The following TSPAN5 variants were observed in gnomAD, a reference collection of about 807,000 sequenced individuals.
The protein encoded by TSPAN5 is tetraspanin 5.
A neutral mutation model predicts 37.1 loss-of-function variants in TSPAN5; 10 were observed. The observed-to-expected ratio is 0.27, with a 90% CI of 0.17 to 0.46. The LOEUF is 0.46. Among genes scored for constraint, TSPAN5 ranks in the 20% least tolerant of loss-of-function variants. The probability of loss-of-function intolerance (pLI) is 1.00; values close to 1 mark genes in which losing one functional copy is unlikely to be tolerated. For synonymous variants in TSPAN5, 110 were observed against 118.9 expected (o/e 0.93, Z 0.48); for missense variants, 195 against 326.6 (o/e 0.60, Z 3.11).
rs368227394 is a variant in TSPAN5, at chr4:98,547,274, T to C, written c.82-39546A>G. Among the ~76,000 whole-genome samples the C allele has an allele frequency of 8.7e-4, 133 of 152,300 alleles. 1 individual carries two copies. Among genetic ancestry groups the C allele is most frequent in the African/African-American group, 3.0e-3 (125 of 41,576 alleles). On this transcript the variant is annotated intron_variant, in intron 1 of 7. Coordinates refer to ENST00000305798, the MANE Select transcript of TSPAN5 (RefSeq NM_005723.4). ...GCTTTTATTAAACTGTTGTCATAAA[T>C]TGCTTATGAGAGCAAAGTAACAAAC...
At chr4:98,550,670 G>T (rs1459777189) in intron 1 of TSPAN5, among the ~76,000 whole-genome samples, 1 of 150,660 alleles carries the variant, frequency 6.6e-6, no homozygotes, top group Non-Finnish European at 1.5e-5. Flanking sequence ...TTGGTCCTCG[G>T]CTAGATCATT....
chr4:98,501,505 G>A (rs1323348188), intron 2 of TSPAN5, among the ~76,000 whole-genome samples: 1 of 152,222 alleles, frequency 6.6e-6, no homozygotes, highest in Non-Finnish European at 1.5e-5. Flanking sequence ...TCTAAGTGAT[G>A]AGTCGCATGA....
At chr4:98,580,686 T>C (rs1454458789) in intron 1 of TSPAN5, among the ~76,000 whole-genome samples, 2 of 152,202 alleles carry the variant, frequency 1.3e-5, no homozygotes, top group Admixed American at 6.5e-5. Flanking sequence ...GAGTTATTTA[T>C]TTGATTTTAA....
At chr4:98,592,159 A>G (rs992780419) in intron 1 of TSPAN5, among the ~76,000 whole-genome samples, 1 of 150,292 alleles carries the variant, frequency 6.7e-6, no homozygotes, top group African/African-American at 2.5e-5. Flanking sequence ...GAACAAATGA[A>G]CCATTACCTT....
chr4:98,610,199 T>C (rs1579028163), intron 1 of TSPAN5, among the ~76,000 whole-genome samples: 2 of 152,332 alleles, frequency 1.3e-5, no homozygotes, highest in East Asian at 1.9e-4. Flanking sequence ...GCCTTCTTGT[T>C]GCATCATCCC....
rs185226099 is a variant in TSPAN5, at chr4:98,515,338, G to A, written c.82-7610C>T. On this transcript the variant is annotated intron_variant, in intron 1 of 7. Transcript: ENST00000305798. ...ATTGTGTGTGTTGATGTGACCACGT[G>A]AGCACTGAGTGCTTGGCAAGTATTG... Among the ~76,000 whole-genome samples the A allele has an allele frequency of 6.2e-4, 94 of 152,276 alleles. No individual in the cohort carries two copies. The East Asian group carries it at 0.012, about 20-fold the overall frequency.
intron 1 of TSPAN5, among the ~76,000 whole-genome samples, chr4:98,561,499 A>C (rs886446094): frequency 1.3e-5 from 2 of 152,256 alleles, no homozygotes. Flanking sequence ...TACTGAAAGC[A>C]TGAAAAAAGC....
chr4:98,574,490 AGTC>A (rs1755190590), intron 1 of TSPAN5: 1 of 152,210 alleles, frequency 6.6e-6, no homozygotes, highest in East Asian at 1.9e-4. Flanking sequence ...GAATGTTTCC[AGTC>A]TAACAGGGCC....
intron 1 of TSPAN5, among the ~76,000 whole-genome samples, chr4:98,611,201 C>A (rs889283960): frequency 1.3e-5 from 2 of 152,196 alleles, no homozygotes; most frequent in Non-Finnish European, 2.9e-5. Flanking sequence ...TTAGTCCACA[C>A]CTTAACATAT....
At chr4:98,558,087 G>A (rs1343912819) in intron 1 of TSPAN5, among the ~76,000 whole-genome samples, 1 of 152,108 alleles carries the variant, frequency 6.6e-6, no homozygotes, top group Non-Finnish European at 1.5e-5. Context: ...ATCAATATTG[G>A]CTCATTAGTT....
At chr4:98,655,209 G>A (rs894756558) in intron 1 of TSPAN5, among the ~76,000 whole-genome samples, 4 of 152,048 alleles carry the variant, frequency 2.6e-5, no homozygotes, top group Admixed American at 6.6e-5. Flanking sequence ...GGATCTTTGA[G>A]GAAGAAATGA....
At chr4:98,547,189 C>T (rs1296207387) in intron 1 of TSPAN5, among the ~76,000 whole-genome samples, 1 of 152,222 alleles carries the variant, frequency 6.6e-6, no homozygotes, top group African/African-American at 2.4e-5. Flanking sequence ...ACATCCCACG[C>T]GGTGCTCCCA....
At chr4:98,610,629 T>A (rs999777198) in intron 1 of TSPAN5, among the ~76,000 whole-genome samples, 1 of 152,072 alleles carries the variant, frequency 6.6e-6, no homozygotes, top group African/African-American at 2.4e-5. Context: ...ATCTGTCGAG[T>A]GAATGAACTG....
intron 1 of TSPAN5, among the ~76,000 whole-genome samples, chr4:98,552,866 C>T (rs2110157265): frequency 6.6e-6 from 1 of 152,272 alleles, no homozygotes; most frequent in African/African-American, 2.4e-5. Context: ...GTATATGAGG[C>T]TAATAACCTC....
At chr4:98,487,206 G>T (rs547065270) in intron 2 of TSPAN5, among the ~76,000 whole-genome samples, 1 of 145,928 alleles carries the variant, frequency 6.9e-6, no homozygotes, top group East Asian at 2.0e-4. Context: ...ACATCTAAAC[G>T]TGTTCATATT....
chr4:98,573,655 G>A (rs569268361), intron 1 of TSPAN5, among the ~76,000 whole-genome samples: 1 of 152,352 alleles, frequency 6.6e-6, no homozygotes, highest in East Asian at 1.9e-4. Flanking sequence ...TTTGATTTAT[G>A]AGAGCAAGAA....
chr4:98,488,201 T>C (rs771078899), intron 2 of TSPAN5, among the ~76,000 whole-genome samples: 1 of 152,202 alleles, frequency 6.6e-6, no homozygotes, highest in African/African-American at 2.4e-5. Context: ...ACAATGTCTA[T>C]TTCAGTACCA....
At chr4:98,571,153 G>A (rs1579000275) in intron 1 of TSPAN5, among the ~76,000 whole-genome samples, 1 of 152,104 alleles carries the variant, frequency 6.6e-6, no homozygotes, top group African/African-American at 2.4e-5. Context: ...TTATAAAACA[G>A]CAAATTCAAA....
intron 1 of TSPAN5, among the ~76,000 whole-genome samples, chr4:98,544,820 T>C (rs1366343043): frequency 1.3e-5 from 2 of 152,186 alleles, no homozygotes; most frequent in Non-Finnish European, 2.9e-5. Context: ...AGGTATATCT[T>C]GGAATAAGAA....
Sources: allele counts gnomAD v4.1 joint callset (sites outside exome capture counted in the v4.1 genomes callset), GRCh38; gene constraint gnomAD v4.1.1; transcripts MANE v1.5; gene names NCBI Gene and HGNC (gene_info 2026-07-23, HGNC 2026-07-21).